DLAT: variants seen among roughly 807,000 people sequenced by gnomAD.
The protein encoded by DLAT is dihydrolipoamide S-acetyltransferase.
A neutral mutation model predicts 68.0 loss-of-function variants in DLAT; 43 were observed. The ratio of observed to expected loss-of-function variants is 0.63; its 90% CI spans 0.50 to 0.81. DLAT has a LOEUF of 0.81. DLAT is among the 40% of genes least tolerant of loss of function. The pLI is 0.00. For synonymous variants in DLAT, 265 were observed against 288.6 expected, an observed-to-expected ratio of 0.92 and a Z score of 0.83; for missense variants, 745 against 815.4, an observed-to-expected ratio of 0.91 and a Z score of 1.05.
rs782333001 is a variant in DLAT, at chr11:112,061,499, G to A, written c.1814+325G>A. The A allele has an allele frequency of 3.8e-5, 12 of 314,194 alleles. No individual in the cohort carries two copies. The Admixed American group carries it at 4.2e-4, about 11-fold the overall frequency. 19.5% of individuals were successfully genotyped at this position (314,194 alleles called of 1,614,324 possible). A position where few individuals can be genotyped will look rare whatever the true frequency, so the allele number is the denominator to read the frequency against. On this transcript the variant is annotated intron_variant, in intron 13 of 13. Transcript: ENST00000280346. ...TTACTTTCTGGATATTTTGATCCAT[G>A]GTTGGTTGAATCTATGGATTCGGAA...
At chr11:112,048,969 AT>A (rs34651095) in intron 10 of DLAT, among the ~76,000 whole-genome samples, 21,657 of 93,622 alleles carry the variant, frequency 0.23, 2,286 homozygotes, top group East Asian at 0.46. Context: ...TTTTCTCAAG[AT>A]TTTTTTTTTT....
intron 2 of DLAT, among the ~76,000 whole-genome samples, chr11:112,026,830 T>C (rs1183708958): frequency 7.2e-5 from 11 of 152,148 alleles, no homozygotes; most frequent in Non-Finnish European, 1.6e-4. Context: ...AGCTGTTGGG[T>C]ACACCTCCCA....
Position 112,045,230 on chromosome 11 carries a change from G to C in DLAT, c.1290G>C (p.Arg430=). 1 of 1,612,804 alleles carries C rather than the reference G, an allele frequency of 6.2e-7. No individual in the cohort carries two copies. The highest frequency in any genetic ancestry group is 8.5e-7 in the Non-Finnish European group (1 of 1,178,920). Reference sequence around the variant, plus strand: ...ATATCCCAATCAGCAACATTCGTCGGGTAAGAGAATTACCATCATCTGGAA... The same window carrying C: ...ATATCCCAATCAGCAACATTCGTCGCGTAAGAGAATTACCATCATCTGGAA... ...FTDIPISNIR[R]VIAQRLMQSK... is the part of the protein sequence containing the mutation. The change falls in exon 9 of 14, where the codon CGG becomes CGC. Residue 430 remains arginine, a splice_region_variant and synonymous_variant. Transcript: ENST00000280346.
intron 13 of DLAT, chr11:112,061,581 G>C (rs1330304264): frequency 1.0e-5 from 2 of 194,132 alleles, no homozygotes; most frequent in African/African-American, 4.8e-5. Flanking sequence ...TGTTTTTTTT[G>C]TTTGTTTGTT....
At chr11:112,060,970 G>T (rs1306359733) in intron 12 of DLAT, 68 bp from the exon 13 acceptor site, 85 of 1,429,688 alleles carry the variant, frequency 5.9e-5, no homozygotes, top group Non-Finnish European at 7.8e-5. Flanking sequence ...TCTTTTCACA[G>T]AACATTTGTC....
In DLAT at chr11:112,061,132, G is replaced by C; in HGVS notation, c.1772G>C (p.Gly591Ala). The stretch of plus-strand genomic sequence containing the variant: ...CCTCAAGCATGTATTTTGGCAATTG[G>C]TGCTTCAGAGGATAAACTGGTCCCT... ...NPPQACILAI[G>A]ASEDKLVPAD... The change falls in exon 13 of 14, where the codon GGT becomes GCT. Residue 591 changes from glycine to alanine, a missense_variant. By Grantham distance (60) the Gly-to-Ala change is moderately conservative. Coordinates refer to ENST00000280346, the MANE Select transcript of DLAT (RefSeq NM_001931.5). 1 of 1,614,040 alleles carries C rather than the reference G, an allele frequency of 6.2e-7. No individual in the cohort carries two copies. The highest frequency in any genetic ancestry group is 1.1e-5 in the South Asian group (1 of 91,076).
In DLAT at chr11:112,025,579, C is replaced by G. The variant is rs371333941; in HGVS notation, c.107C>G (p.Ser36Trp). 1.9e-6 allele frequency: 3 copies of G among 1,613,870 alleles called. No individual in the cohort carries two copies. The highest frequency in any genetic ancestry group is 2.5e-6 in the Non-Finnish European group (3 of 1,179,996). The change falls in exon 1 of 14, where the codon TCG becomes TGG. Residue 36 changes from serine (S) to tryptophan (W), a missense_variant. Coordinates refer to ENST00000280346, the MANE Select transcript of DLAT (RefSeq NM_001931.5). Reference protein sequence around the residue: ...QEVPGTPRVTSRSGPAPARRN... With the variant: ...QEVPGTPRVTWRSGPAPARRN... ...GTACCCGGAACTCCACGAGTGACCT[C>G]GCGATCTGGCCCGGCTCCCGCTCGT...
intron 12 of DLAT, 58 bp from the exon 13 acceptor site, chr11:112,060,980 C>CA: frequency 6.8e-7 from 1 of 1,478,582 alleles, no homozygotes. Flanking sequence ...GAACATTTGT[C>CA]AAGTTTTCTG....
chr11:112,028,943 C>T lies in DLAT; in HGVS notation c.658C>T (p.Gln220Ter). 2 of 1,614,132 alleles carry T rather than the reference C, an allele frequency of 1.2e-6. No homozygotes were observed. Among genetic ancestry groups the T allele is most frequent in the Non-Finnish European group, 1.7e-6 (2 of 1,180,046 alleles). ...TGGTAGCTCATATCCCCCTCACATGCAGGTGAGGCTCAGCCTCTGAGTTTT... is the reference window on the plus strand; with the variant it reads ...TGGTAGCTCATATCCCCCTCACATGTAGGTGAGGCTCAGCCTCTGAGTTTT... ...APGSSYPPHMQVLLPALSPTM... is the reference protein window; with the variant it reads ...APGSSYPPHM Residue 220 changes from glutamine (Q) to a stop codon, truncating the protein, a stop_gained and splice_region_variant, in exon 4 of 14, where the codon CAG becomes TAG. Coordinates refer to ENST00000280346, the MANE Select transcript of DLAT (RefSeq NM_001931.5). LOFTEE classifies it high-confidence loss of function.
In DLAT at chr11:112,045,241, T is replaced by C; in HGVS notation, c.1290+11T>C. 1 of 1,601,996 alleles carries C rather than the reference T, an allele frequency of 6.2e-7. No homozygotes were observed. Among genetic ancestry groups the C allele is most frequent in the South Asian group, 1.1e-5 (1 of 90,684 alleles). ...AGCAACATTCGTCGGGTAAGAGAATTACCATCATCTGGAATCAGCTGTTAG... is the reference window on the plus strand; with the variant it reads ...AGCAACATTCGTCGGGTAAGAGAATCACCATCATCTGGAATCAGCTGTTAG... On this transcript the variant is annotated intron_variant, in intron 9 of 13. Coordinates refer to ENST00000280346, the MANE Select transcript of DLAT (RefSeq NM_001931.5).
rs55866523 is a variant in DLAT, at chr11:112,031,885, G to GT, written c.661-1489dup. Among the ~76,000 whole-genome samples the GT allele has an allele frequency of 3.5e-4, 16 of 45,392 alleles. 2 individuals carry two copies. Among genetic ancestry groups the GT allele is most frequent in the African/African-American group, 1.4e-3 (15 of 10,930 alleles). The allele number at this position is 45,392 out of a possible 152,430, so 29.8% of individuals were successfully genotyped here. On this transcript the variant is annotated intron_variant, in intron 4 of 13. Coordinates refer to ENST00000280346, the MANE Select transcript of DLAT (RefSeq NM_001931.5). Reference sequence around the variant, plus strand: ...ATGAGCCACCATGCTGGTCTTTCCTGTTTTTTTTTTTTTTTTTTTTTTTTT... The same window carrying GT: ...ATGAGCCACCATGCTGGTCTTTCCTGTTTTTTTTTTTTTTTTTTTTTTTTTT...
chr11:112,028,174 G>A (rs587771233), intron 2 of DLAT, among the ~76,000 whole-genome samples: 4 of 152,156 alleles, frequency 2.6e-5, no homozygotes, highest in South Asian at 2.1e-4. Context: ...GAAATCTGTC[G>A]TAGTGGCCTT....
At chr11:112,041,725 C>CA (rs1487886719) in intron 7 of DLAT, among the ~76,000 whole-genome samples, 2 of 151,870 alleles carry the variant, frequency 1.3e-5, no homozygotes, top group Non-Finnish European at 1.5e-5. Context: ...ACTAAAAATA[C>CA]AAAAAAATTA....
chr11:112,030,090 TC>T, intron 4 of DLAT: 2 of 850,240 alleles, frequency 2.4e-6, no homozygotes, highest in Non-Finnish European at 3.9e-6. Context: ...TGCGAATGTC[TC>T]CTGGTAAATA....
At chr11:112,031,704 G>A (rs1452188564) in intron 4 of DLAT, among the ~76,000 whole-genome samples, 1 of 150,622 alleles carries the variant, frequency 6.6e-6, no homozygotes, top group Non-Finnish European at 1.5e-5. Flanking sequence ...CTCCCAAGAC[G>A]CTGTGACTAC....
At position 112,062,563 on chromosome 11, in the gene DLAT, A is replaced by C. The variant is rs781802810; in HGVS notation, c.*28A>C. Reference sequence around the variant, plus strand: ...AACTCAAGAATTTCTAAACTCTCCCAGGTCACACTGATTCATTCTTAACAA... The same window carrying C: ...AACTCAAGAATTTCTAAACTCTCCCCGGTCACACTGATTCATTCTTAACAA... On this transcript the variant is annotated 3_prime_UTR_variant, in exon 14 of 14. Coordinates refer to ENST00000280346, the MANE Select transcript of DLAT (RefSeq NM_001931.5). 6.8e-6 allele frequency: 11 copies of C among 1,609,944 alleles called. No individual in the cohort carries two copies. In the East Asian group the frequency reaches 2.5e-4, roughly 36 times the overall value.
chr11:112,042,178 T>A, intron 7 of DLAT, among the ~76,000 whole-genome samples: 1 of 152,240 alleles, frequency 6.6e-6, no homozygotes, highest in East Asian at 1.9e-4. Context: ...TCCAGTGTTG[T>A]TCCCTTTATA....
chr11:112,026,480 A>G (rs1342280575), intron 2 of DLAT, among the ~76,000 whole-genome samples, 181 bp downstream of exon 2: 1 of 152,218 alleles, frequency 6.6e-6, no homozygotes, highest in East Asian at 1.9e-4. Context: ...GGCCTTCCGC[A>G]GTGTTTGTGT....
chr11:112,054,109 G>T (rs1555182253), intron 11 of DLAT, among the ~76,000 whole-genome samples: 1 of 151,138 alleles, frequency 6.6e-6, no homozygotes, highest in African/African-American at 2.4e-5. Flanking sequence ...AAGCGTTCGA[G>T]ATCAGCCTGG....
Sources: gnomAD v4.1 joint callset for allele counts (sites outside exome capture counted in the v4.1 genomes callset) on GRCh38, gnomAD v4.1.1 for gene constraint, MANE v1.5 for transcripts, NCBI Gene and HGNC (gene_info 2026-07-23, HGNC 2026-07-21) for gene names.